The following IQGAP1 variants were observed in gnomAD, a reference collection of about 807,000 sequenced individuals.
The protein encoded by IQGAP1 is ras GTPase-activating-like protein IQGAP1.
A neutral mutation model predicts 215.6 loss-of-function variants in IQGAP1; 66 were observed. The observed-to-expected ratio is 0.31, with a 90% CI of 0.25 to 0.38. IQGAP1 has a LOEUF of 0.38. Ranked by LOEUF, IQGAP1 falls within the 10% of genes least tolerant of loss-of-function variation. The pLI, the probability that IQGAP1 is intolerant of heterozygous loss-of-function variation, is 1.00. For missense variants in IQGAP1, 1,712 were observed against 1,997.1 expected, an observed-to-expected ratio of 0.86 and a Z score of 2.72; for synonymous variants, 772 against 728.7, an observed-to-expected ratio of 1.06 and a Z score of -0.96.
At chr15:90,434,324 G>T (rs1276354039) in intron 5 of IQGAP1, among the ~76,000 whole-genome samples, 2 of 151,326 alleles carry the variant, frequency 1.3e-5, no homozygotes, top group Non-Finnish European at 2.9e-5. Context: ...TGTAATCCCA[G>T]CTACTCGGGA....
intron 2 of IQGAP1, among the ~76,000 whole-genome samples, chr15:90,419,564 G>C (rs1019068447): frequency 6.6e-6 from 1 of 152,116 alleles, no homozygotes; most frequent in African/African-American, 2.4e-5. Flanking sequence ...TAAGAACCCT[G>C]TTGTCTGCTT....
intron 4 of IQGAP1, among the ~76,000 whole-genome samples, chr15:90,432,868 A>G (rs1596263801): frequency 6.6e-6 from 1 of 152,138 alleles, no homozygotes; most frequent in African/African-American, 2.4e-5. Context: ...ATTGAATTGT[A>G]TGGTGCCACA....
rs947120574 is a variant in IQGAP1, at chr15:90,502,089, CCT to C, written c.*1989_*1990del. The stretch of plus-strand genomic sequence containing the variant: ...TTATTAGCTGTAGCATTCTCTGTCT[CCT>C]CTCTCTCCTCCTTTGACCTTCTCCT... On this transcript the variant is annotated 3_prime_UTR_variant, in exon 38 of 38. Coordinates refer to ENST00000268182, the MANE Select transcript of IQGAP1 (RefSeq NM_003870.4). 6.6e-6 allele frequency: 1 copy of C among 152,668 alleles called. No individual in the cohort carries two copies. The highest frequency in any genetic ancestry group is 1.5e-5 in the Non-Finnish European group (1 of 68,058). 9.5% of individuals were successfully genotyped at this position (152,668 alleles called of 1,614,324 possible).
At chr15:90,451,325 C>T (rs1965601175) in intron 11 of IQGAP1, among the ~76,000 whole-genome samples, 1 of 152,204 alleles carries the variant, frequency 6.6e-6, no homozygotes, top group East Asian at 1.9e-4. Flanking sequence ...GCACCAGCAT[C>T]TGCTCAGCTT....
rs187265956 is a variant in IQGAP1, at chr15:90,461,353, G to A, written c.1777-4648G>A. Among the ~76,000 whole-genome samples the A allele has an allele frequency of 7.9e-4, 118 of 149,976 alleles. 1 individual carries two copies. The highest frequency in any genetic ancestry group is 2.3e-3 in the Admixed American group (35 of 15,238). Reference sequence around the variant, plus strand: ...GTTTGCCAGTGTACCAATGTTTTTTGTTTGTTTGTTTTTCATGGTGGAGAG... The same window carrying A: ...GTTTGCCAGTGTACCAATGTTTTTTATTTGTTTGTTTTTCATGGTGGAGAG... On this transcript the variant is annotated intron_variant, in intron 15 of 37. Transcript: ENST00000268182.
chr15:90,472,577 A>G lies in IQGAP1; in HGVS notation c.2179-263A>G, dbSNP rs576122026. ...GTGCCCAGCCTAGTCAGTGTTGGATAGGTAGATAAGTGAGATGACATATGA... is the reference window on the plus strand; with the variant it reads ...GTGCCCAGCCTAGTCAGTGTTGGATGGGTAGATAAGTGAGATGACATATGA... On this transcript the variant is annotated intron_variant, in intron 18 of 37. Coordinates refer to ENST00000268182, the MANE Select transcript of IQGAP1 (RefSeq NM_003870.4). Among the ~76,000 whole-genome samples, 14 of 152,218 alleles carry G rather than the reference A, an allele frequency of 9.2e-5. 1 individual carries two copies. The highest frequency in any genetic ancestry group is 3.4e-4 in the African/African-American group (14 of 41,532).
chr15:90,411,319 C>T (rs1354336644), intron 2 of IQGAP1, among the ~76,000 whole-genome samples: 2 of 151,782 alleles, frequency 1.3e-5, no homozygotes, highest in Non-Finnish European at 2.9e-5. Flanking sequence ...CACTCTGTTA[C>T]CCAGGCTGGA....
chr15:90,455,206 A>G (rs577964310), intron 14 of IQGAP1, among the ~76,000 whole-genome samples: 1 of 152,296 alleles, frequency 6.6e-6, no homozygotes, highest in African/African-American at 2.4e-5. Context: ...TTGGGTGTCC[A>G]GAGTTTTTAT....
chr15:90,490,619 G>T (rs1966190001), intron 33 of IQGAP1, among the ~76,000 whole-genome samples: 3 of 152,110 alleles, frequency 2.0e-5, no homozygotes, highest in African/African-American at 7.2e-5. Context: ...CTAAGCACTG[G>T]TCTTGTTGTA....
intron 30 of IQGAP1, among the ~76,000 whole-genome samples, chr15:90,484,570 G>A (rs544536239): frequency 2.6e-5 from 4 of 151,974 alleles, no homozygotes; most frequent in Non-Finnish European, 4.4e-5. Context: ...GTGCAGTGGC[G>A]CGATCTCGGC....
intron 28 of IQGAP1, chr15:90,483,075 TAA>T: frequency 5.9e-6 from 2 of 339,100 alleles, no homozygotes; most frequent in East Asian, 1.2e-4. Flanking sequence ...TAACAGACTT[TAA>T]GTGTGTCATT....
intron 26 of IQGAP1, among the ~76,000 whole-genome samples, chr15:90,480,704 T>C (rs1966046486): frequency 6.6e-6 from 1 of 152,224 alleles, no homozygotes; most frequent in Non-Finnish European, 1.5e-5. Flanking sequence ...AGTCTCGTTC[T>C]GTTGGTCAGG....
Position 90,499,009 on chromosome 15 carries a change from G to T in IQGAP1, c.4861-986G>T, listed in dbSNP as rs532644147. Reference sequence around the variant, plus strand: ...ATTTTTGTATTTTTAGTAGAAACAGGGTTTCGCCATGTTGGCCAGGCTGGT... The same window carrying T: ...ATTTTTGTATTTTTAGTAGAAACAGTGTTTCGCCATGTTGGCCAGGCTGGT... On this transcript the variant is annotated intron_variant, in intron 37 of 37. Coordinates refer to ENST00000268182, the MANE Select transcript of IQGAP1 (RefSeq NM_003870.4). 2.0e-5 allele frequency among the ~76,000 whole-genome samples: 3 copies of T among 152,222 alleles called. No individual in the cohort carries two copies. In the South Asian group the frequency reaches 6.2e-4, roughly 32 times the overall value.
chr15:90,449,392 G>T (rs1182807802), intron 10 of IQGAP1, among the ~76,000 whole-genome samples, 167 bp from the exon 11 acceptor site: 1 of 152,116 alleles, frequency 6.6e-6, no homozygotes, highest in Non-Finnish European at 1.5e-5. Flanking sequence ...TTTGGCAAAG[G>T]CATTTGGCTC....
At chr15:90,419,782 G>C (rs1018444867) in intron 2 of IQGAP1, among the ~76,000 whole-genome samples, 1 of 152,140 alleles carries the variant, frequency 6.6e-6, no homozygotes, top group Admixed American at 6.6e-5. Context: ...AATTTATTCT[G>C]AGGCTTTGTG....
At chr15:90,445,245 G>A (rs779377869) in intron 9 of IQGAP1, among the ~76,000 whole-genome samples, 28 of 151,626 alleles carry the variant, frequency 1.8e-4, no homozygotes, top group Admixed American at 6.6e-4. Flanking sequence ...CTGCAGTAGC[G>A]TTGTTAGACA....
intron 2 of IQGAP1, among the ~76,000 whole-genome samples, chr15:90,408,323 T>C (rs1009258385): frequency 6.6e-6 from 1 of 152,174 alleles, no homozygotes; most frequent in African/African-American, 2.4e-5. Flanking sequence ...TTTTGGTTTT[T>C]GTTTTTCTTT....
At chr15:90,444,865 A>T (rs909355822) in intron 9 of IQGAP1, among the ~76,000 whole-genome samples, 1 of 152,220 alleles carries the variant, frequency 6.6e-6, no homozygotes, top group Non-Finnish European at 1.5e-5. Context: ...AATCTGGGCC[A>T]GGCAATTCCA....
intron 31 of IQGAP1, 87 bp from the exon 32 acceptor site, chr15:90,486,867 A>G: frequency 7.5e-7 from 1 of 1,328,808 alleles, no homozygotes; most frequent in South Asian, 1.3e-5. Flanking sequence ...ATTATCTTAG[A>G]CTTGCATCAT....
Sources: allele counts gnomAD v4.1 joint callset (sites outside exome capture counted in the v4.1 genomes callset), GRCh38; gene constraint gnomAD v4.1.1; transcripts MANE v1.5; gene names NCBI Gene and HGNC (gene_info 2026-07-23, HGNC 2026-07-21).